The following EYS variants were observed in gnomAD, a reference collection of about 807,000 sequenced individuals.
EYS encodes EGF-like photoreceptor maintenance factor.
Under a neutral mutation model 282.1 loss-of-function variants are expected in EYS, and 250 were observed. The ratio of observed to expected loss-of-function variants is 0.89; its 90% CI spans 0.80 to 0.98. EYS has a LOEUF of 0.98. EYS is among the 50% of genes least tolerant of loss of function. The pLI is 0.00. For missense variants in EYS, 4,016 were observed against 3,709.0 expected (o/e 1.08, Z -2.15); for synonymous variants, 1,355 against 1,282.9 (o/e 1.06, Z -1.20).
chr6:64,133,476 T>TCACACACACACACACACACACA (rs61088369), intron 31 of EYS, among the ~76,000 whole-genome samples: 1 of 142,354 alleles, frequency 7.0e-6, no homozygotes. Flanking sequence ...TTGCATTACT[T>TCACACACACACACACACACACA]CACACACACA....
chr6:65,675,631 T>C (rs1768559364), intron 1 of EYS, among the ~76,000 whole-genome samples: 1 of 151,832 alleles, frequency 6.6e-6, no homozygotes, highest in East Asian at 1.9e-4. Flanking sequence ...TGGAGTGAGA[T>C]AGAGAGTAAC....
At chr6:65,276,158 C>T (rs897795460) in intron 12 of EYS, among the ~76,000 whole-genome samples, 1 of 152,066 alleles carries the variant, frequency 6.6e-6, no homozygotes, top group African/African-American at 2.4e-5. Context: ...GTTATAGTGC[C>T]AGTGAGGTGA....
chr6:65,379,049 C>A (rs1225646828), intron 8 of EYS, among the ~76,000 whole-genome samples: 1 of 151,038 alleles, frequency 6.6e-6, no homozygotes, highest in African/African-American at 2.4e-5. Context: ...AAAAGATAAA[C>A]AAGAAAAAAT....
chr6:65,020,576 G>C (rs1298020994), intron 13 of EYS, among the ~76,000 whole-genome samples: 1 of 152,164 alleles, frequency 6.6e-6, no homozygotes, highest in Non-Finnish European at 1.5e-5. Flanking sequence ...TACTTTTCCA[G>C]GGGCACGGTG....
At chr6:63,964,236 T>C (rs1410036190) in intron 35 of EYS, among the ~76,000 whole-genome samples, 1 of 152,180 alleles carries the variant, frequency 6.6e-6, no homozygotes, top group South Asian at 2.1e-4. Flanking sequence ...AGGAAGAGTA[T>C]TGTATAAGTC....
At chr6:64,200,441 CTG>C (rs1294558134) in intron 31 of EYS, among the ~76,000 whole-genome samples, 1 of 152,022 alleles carries the variant, frequency 6.6e-6, no homozygotes, top group Non-Finnish European at 1.5e-5. Context: ...ATATATAACT[CTG>C]TAGTATGTGC....
chr6:65,310,319 GGGTGATGGAGTGA>G (rs1333925471), intron 11 of EYS, among the ~76,000 whole-genome samples: 1 of 152,044 alleles, frequency 6.6e-6, no homozygotes, highest in Non-Finnish European at 1.5e-5. Context: ...ACTCCAGCCT[GGGTGATGGAGTGA>G]GACTCTGTCT....
chr6:63,808,140 C>T (rs1770952096), intron 36 of EYS, among the ~76,000 whole-genome samples: 1 of 152,060 alleles, frequency 6.6e-6, no homozygotes. Context: ...ACTAGTCACT[C>T]AAGGGATTAG....
intron 22 of EYS, among the ~76,000 whole-genome samples, chr6:64,803,966 T>G (rs1197516642): frequency 6.6e-6 from 1 of 152,116 alleles, no homozygotes; most frequent in Non-Finnish European, 1.5e-5. Flanking sequence ...TGGCTGCAGC[T>G]GCGCCCGGGA....
intron 24 of EYS, among the ~76,000 whole-genome samples, chr6:64,614,572 C>T (rs1337488963): frequency 2.0e-5 from 3 of 152,094 alleles, no homozygotes; most frequent in Non-Finnish European, 4.4e-5. Flanking sequence ...TGCTCCTCGA[C>T]TTATGATGGG....
chr6:64,268,788 G>A (rs1767847322), intron 30 of EYS, among the ~76,000 whole-genome samples: 1 of 152,240 alleles, frequency 6.6e-6, no homozygotes, highest in East Asian at 1.9e-4. Flanking sequence ...AGGGGGCAGT[G>A]TTATAGGAGA....
At chr6:65,103,535 T>C (rs1025439882) in intron 12 of EYS, among the ~76,000 whole-genome samples, 2 of 151,464 alleles carry the variant, frequency 1.3e-5, no homozygotes, top group South Asian at 2.1e-4. Context: ...AACATCCTGA[T>C]GGGACCCATG....
intron 2 of EYS, among the ~76,000 whole-genome samples, chr6:65,504,824 G>A (rs9363380): frequency 0.17 from 26,349 of 151,252 alleles, 2,851 homozygotes; most frequent in East Asian, 0.27. Flanking sequence ...AATATTTGTT[G>A]AGAATGTTGT....
intron 13 of EYS, among the ~76,000 whole-genome samples, chr6:65,053,527 G>T (rs894164648): frequency 6.6e-6 from 1 of 151,794 alleles, no homozygotes. Flanking sequence ...ATGCAAATAA[G>T]CATCTAATAG....
intron 19 of EYS, among the ~76,000 whole-genome samples, chr6:64,843,114 C>T (rs1263017917): frequency 6.6e-6 from 1 of 152,020 alleles, no homozygotes; most frequent in Non-Finnish European, 1.5e-5. Context: ...GACTTGGTAC[C>T]CTCTGTTCCA....
chr6:65,560,336 T>C (rs1272767551), intron 2 of EYS, among the ~76,000 whole-genome samples: 1 of 142,238 alleles, frequency 7.0e-6, no homozygotes, highest in Non-Finnish European at 1.5e-5. Flanking sequence ...ACATATAATA[T>C]GTTATATATT....
At chr6:64,372,923 G>A (rs1772430308) in intron 29 of EYS, among the ~76,000 whole-genome samples, 1 of 152,136 alleles carries the variant, frequency 6.6e-6, no homozygotes, top group South Asian at 2.1e-4. Flanking sequence ...AAAATCAGTT[G>A]GCTCTTTCTT....
chr6:63,958,794 CA>C (rs749851878), intron 35 of EYS, among the ~76,000 whole-genome samples: 96 of 152,122 alleles, frequency 6.3e-4, no homozygotes, highest in Non-Finnish European at 1.2e-3. Context: ...ACAAATGCAG[CA>C]AAAAAGCCTG....
chr6:65,415,019 T>C (rs1767174793), intron 5 of EYS, among the ~76,000 whole-genome samples: 1 of 151,630 alleles, frequency 6.6e-6, no homozygotes, highest in South Asian at 2.1e-4. Context: ...GAAACAAGAG[T>C]GTGATGTTTT....
Sources: allele counts gnomAD v4.1 joint callset (sites outside exome capture counted in the v4.1 genomes callset), GRCh38; gene constraint gnomAD v4.1.1; transcripts MANE v1.5; gene names NCBI Gene and HGNC (gene_info 2026-07-23, HGNC 2026-07-21).